Variants in RNF150 observed in about 807,000 individuals in gnomAD.
RNF150 encodes the protein ring finger protein 150.
In RNF150, 24 loss-of-function variants were observed where a neutral mutation model predicts 39.3. That is an observed-to-expected ratio of 0.61 (90% CI 0.44 to 0.86). The LOEUF (loss-of-function observed/expected upper bound fraction) is 0.86, where lower values mean the gene tolerates loss of function less well. RNF150 is among the 40% of genes least tolerant of loss of function. The probability of loss-of-function intolerance (pLI) is 0.00; values close to 1 mark genes in which losing one functional copy is unlikely to be tolerated. For missense variants in RNF150, 502 were observed against 587.8 expected, an observed-to-expected ratio of 0.85 and a Z score of 1.51; for synonymous variants, 255 against 227.3, an observed-to-expected ratio of 1.12 and a Z score of -1.10.
chr4:140,906,751 T>C (rs1326446843), intron 6 of RNF150, among the ~76,000 whole-genome samples: 1 of 152,188 alleles, frequency 6.6e-6, no homozygotes, highest in Non-Finnish European at 1.5e-5. Context: ...CTTTTCAGAA[T>C]GTATGGGGCA....
intron 2 of RNF150, among the ~76,000 whole-genome samples, chr4:140,963,571 C>T (rs2111412134): frequency 8.2e-6 from 1 of 122,324 alleles, no homozygotes; most frequent in South Asian, 3.0e-4. Context: ...TTTGCAAATT[C>T]TTCTTAGAAG....
At chr4:140,940,149 C>T (rs562662953) in intron 4 of RNF150, among the ~76,000 whole-genome samples, 5 of 152,282 alleles carry the variant, frequency 3.3e-5, no homozygotes, top group Non-Finnish European at 1.5e-5. Context: ...ATCTGGGGTG[C>T]CTCCTCTCCA....
chr4:141,118,584 T>C (rs1159475530), intron 1 of RNF150, among the ~76,000 whole-genome samples: 1 of 152,182 alleles, frequency 6.6e-6, no homozygotes, highest in Non-Finnish European at 1.5e-5. Flanking sequence ...CCTACCTGCA[T>C]GACAAAACAT....
intron 4 of RNF150, among the ~76,000 whole-genome samples, chr4:140,930,895 T>C (rs1271375746): frequency 7.6e-6 from 1 of 132,420 alleles, no homozygotes; most frequent in Non-Finnish European, 1.6e-5. Context: ...CATTTAGCGA[T>C]TCACTGTTAA....
At chr4:140,987,038 A>C (rs1011803697) in intron 1 of RNF150, among the ~76,000 whole-genome samples, 1 of 152,070 alleles carries the variant, frequency 6.6e-6, no homozygotes, top group African/African-American at 2.4e-5. Context: ...ACATAGACAA[A>C]AATATCTAAG....
intron 6 of RNF150, among the ~76,000 whole-genome samples, chr4:140,908,440 C>CTGAT (rs1176950346): frequency 2.6e-5 from 4 of 151,964 alleles, no homozygotes; most frequent in African/African-American, 9.7e-5. Context: ...TACTGAGAAA[C>CTGAT]TGATAGCCAT....
At chr4:141,093,842 C>T (rs181000992) in intron 1 of RNF150, among the ~76,000 whole-genome samples, 6 of 151,696 alleles carry the variant, frequency 4.0e-5, no homozygotes, top group Non-Finnish European at 7.4e-5. Context: ...AAATGCCTGA[C>T]AATATTAAGA....
rs145952659 is a variant in RNF150, at chr4:140,928,178, A to T, written c.891-2105T>A. ...CGTCAGGAAGCACAGCAGGAGAGGCAGACATTAATAAAATAATACAGAAGT... is the reference window on the plus strand; with the variant it reads ...CGTCAGGAAGCACAGCAGGAGAGGCTGACATTAATAAAATAATACAGAAGT... On this transcript the variant is annotated intron_variant, in intron 4 of 6. Transcript: ENST00000515673. Among the ~76,000 whole-genome samples, 477 of 152,356 alleles carry T rather than the reference A, an allele frequency of 3.1e-3. 13 individuals carry two copies. The highest frequency in any genetic ancestry group is 0.011 in the African/African-American group (459 of 41,578).
intron 4 of RNF150, among the ~76,000 whole-genome samples, chr4:140,936,697 C>T (rs888493010): frequency 6.6e-6 from 1 of 151,842 alleles, no homozygotes; most frequent in African/African-American, 2.4e-5. Context: ...TCACCAAAAA[C>T]ACTAAAACAA....
At chr4:141,195,668 G>C (rs891168527) in intron 1 of RNF150, among the ~76,000 whole-genome samples, 1 of 152,208 alleles carries the variant, frequency 6.6e-6, no homozygotes, top group South Asian at 2.1e-4. Context: ...GAAAGGTTAA[G>C]TCAATTTATG....
chr4:140,989,832 A>G (rs1734136278), intron 1 of RNF150, among the ~76,000 whole-genome samples: 1 of 152,184 alleles, frequency 6.6e-6, no homozygotes, highest in Non-Finnish European at 1.5e-5. Flanking sequence ...ACTTGCAGCA[A>G]ATGCTGACAG....
chr4:141,087,907 T>A (rs974294844), intron 1 of RNF150, among the ~76,000 whole-genome samples: 35 of 152,152 alleles, frequency 2.3e-4, no homozygotes, highest in African/African-American at 8.4e-4. Context: ...AATCAAGGCA[T>A]CCTCTAGCGA....
rs531380713 is a variant in RNF150, at chr4:141,141,518, A to G, written c.-6+71276T>C. 2.6e-4 allele frequency among the ~76,000 whole-genome samples: 39 copies of G among 152,300 alleles called. 1 individual carries two copies. Among genetic ancestry groups the G allele is most frequent in the African/African-American group, 9.4e-4 (39 of 41,568 alleles). ...AGTTTTCCTCCTTGAGCTTATTAAGAATAAGATTGTGAATGGTTCATGCCT... is the reference window on the plus strand; with the variant it reads ...AGTTTTCCTCCTTGAGCTTATTAAGGATAAGATTGTGAATGGTTCATGCCT... On this transcript the variant is annotated intron_variant, in intron 1 of 7. Transcript: ENST00000420921.
chr4:141,058,710 T>C (rs1737091860), intron 1 of RNF150, among the ~76,000 whole-genome samples: 1 of 152,168 alleles, frequency 6.6e-6, no homozygotes, highest in Non-Finnish European at 1.5e-5. Context: ...TTATGAGTAT[T>C]AAGTGTGATG....
chr4:141,012,835 C>T (rs1447654528), intron 1 of RNF150, among the ~76,000 whole-genome samples: 1 of 147,756 alleles, frequency 6.8e-6, no homozygotes, highest in Non-Finnish European at 1.5e-5. Flanking sequence ...GCTCCCTATT[C>T]CCACCTTCAA....
At chr4:141,058,893 C>T (rs72949017) in intron 1 of RNF150, among the ~76,000 whole-genome samples, 5,758 of 152,200 alleles carry the variant, frequency 0.038, 373 homozygotes, top group African/African-American at 0.13. Flanking sequence ...AGAGTTGACA[C>T]ATGATAAACT....
intron 1 of RNF150, among the ~76,000 whole-genome samples, chr4:141,091,650 G>A (rs1395763871): frequency 6.6e-6 from 1 of 152,170 alleles, no homozygotes; most frequent in African/African-American, 2.4e-5. Context: ...ATCAAGTGTT[G>A]AGCTAGAGTA....
chr4:141,023,282 G>A (rs887582359), intron 1 of RNF150, among the ~76,000 whole-genome samples: 1 of 152,098 alleles, frequency 6.6e-6, no homozygotes, highest in African/African-American at 2.4e-5. Flanking sequence ...GTCTTGCTCT[G>A]TCACCCAGGC....
intron 6 of RNF150, among the ~76,000 whole-genome samples, chr4:140,909,587 G>C (rs994669907): frequency 6.6e-6 from 1 of 152,056 alleles, no homozygotes; most frequent in African/African-American, 2.4e-5. Flanking sequence ...AAATATTTTG[G>C]ATATACAGGG....
Sources: allele counts gnomAD v4.1 joint callset (sites outside exome capture counted in the v4.1 genomes callset), GRCh38; gene constraint gnomAD v4.1.1; transcripts MANE v1.5; gene names NCBI Gene and HGNC (gene_info 2026-07-23, HGNC 2026-07-21).